The following PHF14 variants were observed in gnomAD, a reference collection of about 807,000 sequenced individuals.
PHF14 encodes PHD finger protein 14.
Under a neutral mutation model 117.9 loss-of-function variants are expected in PHF14, and 55 were observed. The ratio of observed to expected loss-of-function variants is 0.47; its 90% CI spans 0.38 to 0.58. PHF14 has a LOEUF of 0.58. Among genes scored for constraint, PHF14 ranks in the 20% least tolerant of loss-of-function variants. The probability of loss-of-function intolerance (pLI) is 0.00; values close to 1 mark genes in which losing one functional copy is unlikely to be tolerated. For synonymous variants in PHF14, 409 were observed against 368.6 expected, an observed-to-expected ratio of 1.11 and a Z score of -1.26; for missense variants, 978 against 1,122.2, an observed-to-expected ratio of 0.87 and a Z score of 1.84.
At chr7:11,119,949 A>C (rs935479613) in intron 17 of PHF14, among the ~76,000 whole-genome samples, 1 of 151,944 alleles carries the variant, frequency 6.6e-6, no homozygotes, top group African/African-American at 2.4e-5. Context: ...CATAAAGTGC[A>C]TTATGCCATG....
At chr7:11,055,369 G>T (rs1387267968) in intron 14 of PHF14, among the ~76,000 whole-genome samples, 2 of 152,038 alleles carry the variant, frequency 1.3e-5, no homozygotes, top group Non-Finnish European at 2.9e-5. Context: ...TTCATCTTTT[G>T]TAGAAGTGCC....
intron 6 of PHF14, among the ~76,000 whole-genome samples, chr7:11,027,686 A>T (rs1357856209): frequency 6.6e-6 from 1 of 151,186 alleles, no homozygotes; most frequent in Admixed American, 6.6e-5. Flanking sequence ...TCACCTGATT[A>T]TTAACCTAAA....
At chr7:11,041,336 A>T (rs969164276) in intron 12 of PHF14, among the ~76,000 whole-genome samples, 1 of 151,850 alleles carries the variant, frequency 6.6e-6, no homozygotes. Flanking sequence ...TATAGTCAAG[A>T]CTTCTTTCCA....
At chr7:11,153,186 C>A (rs1323663221) in intron 17 of PHF14, among the ~76,000 whole-genome samples, 1 of 152,076 alleles carries the variant, frequency 6.6e-6, no homozygotes, top group Non-Finnish European at 1.5e-5. Flanking sequence ...TTGGATTAAT[C>A]CACAGGCAAG....
intron 16 of PHF14, among the ~76,000 whole-genome samples, chr7:11,069,362 A>G (rs1055613392): frequency 9.2e-5 from 14 of 152,108 alleles, no homozygotes; most frequent in African/African-American, 2.7e-4. Context: ...GTAGAAAAGT[A>G]CTGAGTCCGC....
intron 16 of PHF14, among the ~76,000 whole-genome samples, chr7:11,066,216 A>T (rs1166028006): frequency 3.9e-5 from 6 of 152,204 alleles, no homozygotes; most frequent in African/African-American, 1.4e-4. Context: ...ACCAGCAAGA[A>T]TTCATATGTA....
intron 13 of PHF14, 24 bp downstream of exon 13, chr7:11,042,838 G>A: frequency 6.6e-7 from 1 of 1,507,564 alleles, no homozygotes; most frequent in South Asian, 1.2e-5. Context: ...AGGAGATTTA[G>A]ATGTTTGAAT....
intron 10 of PHF14, 90 bp from the exon 11 acceptor site, chr7:11,038,670 A>G (rs1784395461): frequency 2.8e-6 from 1 of 359,626 alleles, no homozygotes; most frequent in South Asian, 1.1e-4. Flanking sequence ...AAAAAAAAAA[A>G]TTATATATAT....
intron 17 of PHF14, among the ~76,000 whole-genome samples, chr7:11,120,137 A>G (rs1157624519): frequency 6.6e-6 from 1 of 151,948 alleles, no homozygotes; most frequent in African/African-American, 2.4e-5. Context: ...TTTAAATTAT[A>G]TAGAAAGTTA....
At chr7:11,128,157 A>G (rs925916542) in intron 17 of PHF14, among the ~76,000 whole-genome samples, 1 of 152,020 alleles carries the variant, frequency 6.6e-6, no homozygotes, top group African/African-American at 2.4e-5. Context: ...GTTCACTACA[A>G]ATTCATGCCT....
intron 17 of PHF14, among the ~76,000 whole-genome samples, chr7:11,122,458 G>T (rs1050795379): frequency 6.7e-5 from 9 of 134,870 alleles, no homozygotes; most frequent in East Asian, 4.2e-4. Context: ...TATATATATT[G>T]TGTGTGTGTG....
chr7:11,087,611 G>A (rs1010423344), intron 16 of PHF14, among the ~76,000 whole-genome samples: 5 of 152,036 alleles, frequency 3.3e-5, no homozygotes, highest in Admixed American at 6.6e-5. Flanking sequence ...CTTTACTCAC[G>A]CAATTATTCC....
At chr7:11,121,684 T>C (rs1289612649) in intron 17 of PHF14, among the ~76,000 whole-genome samples, 2 of 152,066 alleles carry the variant, frequency 1.3e-5, no homozygotes, top group African/African-American at 4.8e-5. Flanking sequence ...GTCGATCTAG[T>C]CACTGAGACA....
chr7:11,072,895 C>CT (rs1477331710), intron 16 of PHF14, among the ~76,000 whole-genome samples: 1 of 152,130 alleles, frequency 6.6e-6, no homozygotes, highest in Non-Finnish European at 1.5e-5. Context: ...TGTCAGGCTC[C>CT]TTTAAACAAC....
intron 16 of PHF14, among the ~76,000 whole-genome samples, chr7:11,069,378 G>A (rs916711517): frequency 9.9e-5 from 15 of 152,096 alleles, no homozygotes; most frequent in Non-Finnish European, 1.8e-4. Context: ...TCCGCATGGA[G>A]AAGTGCCTTC....
At chr7:11,049,301 C>G (rs1456492578) in intron 13 of PHF14, among the ~76,000 whole-genome samples, 1 of 151,660 alleles carries the variant, frequency 6.6e-6, no homozygotes, top group Non-Finnish European at 1.5e-5. Flanking sequence ...ATAGTGAAAC[C>G]CTGTCTCTAC....
At chr7:11,008,256 A>G (rs1783195272) in intron 4 of PHF14, among the ~76,000 whole-genome samples, 1 of 152,204 alleles carries the variant, frequency 6.6e-6, no homozygotes, top group African/African-American at 2.4e-5. Flanking sequence ...AGTGTATGCA[A>G]AAAGATATCC....
chr7:11,114,508 C>T (rs1787539149), intron 17 of PHF14, among the ~76,000 whole-genome samples: 1 of 151,934 alleles, frequency 6.6e-6, no homozygotes, highest in East Asian at 1.9e-4. Context: ...TTTGTTTTAG[C>T]ACATGAAAGC....
At chr7:11,096,172 G>C (rs1786854310) in intron 16 of PHF14, among the ~76,000 whole-genome samples, 1 of 152,092 alleles carries the variant, frequency 6.6e-6, no homozygotes, top group Non-Finnish European at 1.5e-5. Context: ...CTGAGTATAT[G>C]CATGCATGGA....
Sources: allele counts gnomAD v4.1 joint callset (sites outside exome capture counted in the v4.1 genomes callset), GRCh38; gene constraint gnomAD v4.1.1; transcripts MANE v1.5; gene names NCBI Gene and HGNC (gene_info 2026-07-23, HGNC 2026-07-21).